The following EIF2AK3 variants were observed in gnomAD, a reference collection of about 807,000 sequenced individuals.
EIF2AK3 encodes the protein eukaryotic translation initiation factor 2-alpha kinase 3.
Under a neutral mutation model 113.5 loss-of-function variants are expected in EIF2AK3, and 50 were observed. The observed-to-expected ratio is 0.44, with a 90% CI of 0.35 to 0.56. The LOEUF is 0.56. Ranked by LOEUF, EIF2AK3 falls within the 20% of genes least tolerant of loss-of-function variation. The probability of loss-of-function intolerance (pLI) is 0.00; values close to 1 mark genes in which losing one functional copy is unlikely to be tolerated. For synonymous variants in EIF2AK3, 448 were observed against 495.4 expected (o/e 0.90, Z 1.27); for missense variants, 1,185 against 1,378.0 (o/e 0.86, Z 2.22).
intron 2 of EIF2AK3, among the ~76,000 whole-genome samples, chr2:88,597,113 C>T (rs949948667): frequency 6.6e-6 from 1 of 152,152 alleles, no homozygotes; most frequent in African/African-American, 2.4e-5. Flanking sequence ...GGGATACTTA[C>T]TTGAAAACTC....
intron 6 of EIF2AK3, among the ~76,000 whole-genome samples, chr2:88,590,223 G>C (rs947498187): frequency 1.3e-5 from 2 of 152,168 alleles, no homozygotes; most frequent in African/African-American, 4.8e-5. Flanking sequence ...CGACAAGAGT[G>C]AAACTCCATC....
In EIF2AK3 at chr2:88,574,910, G is replaced by A. The variant is rs2104410732; in HGVS notation, c.2573C>T (p.Pro858Leu). Reference sequence around the variant, plus strand: ...ATCTAAACTTAAAGTGGTTGGTCTTGGAGGAGAAATAGACAATGTAGCTTC... The same window carrying A: ...ATCTAAACTTAAAGTGGTTGGTCTTAGAGGAGAAATAGACAATGTAGCTTC... ...SSEATLSISP[P>L]RPTTLSLDLT... is the part of the protein sequence containing the mutation. Residue 858 changes from proline (P) to leucine (L), a missense_variant, in exon 13 of 17, where the codon CCA becomes CTA. Coordinates refer to ENST00000303236, the MANE Select transcript of EIF2AK3 (RefSeq NM_004836.7). 1 of 1,614,192 alleles carries A rather than the reference G, an allele frequency of 6.2e-7. No homozygotes were observed. The highest frequency in any genetic ancestry group is 1.6e-4 in the Middle Eastern group (1 of 6,062).
At position 88,556,996 on chromosome 2, in the gene EIF2AK3, A is replaced by G. The variant is rs1305302737; in HGVS notation, c.*740T>C. 1 of 152,276 alleles carries G rather than the reference A, an allele frequency of 6.6e-6. No individual in the cohort carries two copies. The highest frequency in any genetic ancestry group is 1.9e-4 in the East Asian group (1 of 5,198). The allele number at this position is 152,276 out of a possible 1,614,324, so 9.4% of individuals were successfully genotyped here. On this transcript the variant is annotated 3_prime_UTR_variant, in exon 17 of 17. Coordinates refer to ENST00000303236, the MANE Select transcript of EIF2AK3 (RefSeq NM_004836.7). Reference sequence around the variant, plus strand: ...AGACACTTAAGATTTCATTAGGCTTAAAAAGTCCATAGTTGAAGAAGTTAG... The same window carrying G: ...AGACACTTAAGATTTCATTAGGCTTGAAAAGTCCATAGTTGAAGAAGTTAG...
chr2:88,558,444 G>A (rs1178705797), intron 16 of EIF2AK3, among the ~76,000 whole-genome samples: 1 of 152,128 alleles, frequency 6.6e-6, no homozygotes, highest in Non-Finnish European at 1.5e-5. Context: ...AACGTAACAT[G>A]TACTCTTATG....
chr2:88,558,571 CA>C (rs916597904), intron 16 of EIF2AK3, among the ~76,000 whole-genome samples: 16 of 152,244 alleles, frequency 1.1e-4, no homozygotes, highest in African/African-American at 3.6e-4. Context: ...TTTTTTAATG[CA>C]ACCCTTCATT....
At chr2:88,606,157 T>C (rs1421958311) in intron 2 of EIF2AK3, among the ~76,000 whole-genome samples, 1 of 152,148 alleles carries the variant, frequency 6.6e-6, no homozygotes, top group Non-Finnish European at 1.5e-5. Context: ...ACAAAATGCC[T>C]CAAGGGAAAC....
chr2:88,615,108 A>G (rs898848708), intron 1 of EIF2AK3, among the ~76,000 whole-genome samples: 3 of 152,168 alleles, frequency 2.0e-5, no homozygotes, highest in Non-Finnish European at 4.4e-5. Flanking sequence ...AACAGGAGAA[A>G]TCAGCTTGTT....
intron 9 of EIF2AK3, 96 bp from the exon 10 acceptor site, chr2:88,583,638 A>G (rs1051345851): frequency 8.3e-6 from 7 of 842,898 alleles, no homozygotes; most frequent in East Asian, 2.4e-5. Context: ...TGAAAAATAC[A>G]TAAGTAGCAT....
At chr2:88,621,178 T>C (rs1675712819) in intron 1 of EIF2AK3, among the ~76,000 whole-genome samples, 1 of 152,226 alleles carries the variant, frequency 6.6e-6, no homozygotes, top group East Asian at 1.9e-4. Context: ...CATCCTGTAA[T>C]TGCTCTGATT....
intron 11 of EIF2AK3, 105 bp downstream of exon 11, chr2:88,579,413 A>T (rs1674541975): frequency 6.8e-7 from 1 of 1,473,400 alleles, no homozygotes; most frequent in Non-Finnish European, 9.4e-7. Flanking sequence ...AACGTCTGAA[A>T]CTGTTTTCTA....
rs756905625 is a variant in EIF2AK3, at chr2:88,570,974, A to G, written c.2885T>C (p.Met962Thr). The change falls in exon 14 of 17, where the codon ATG becomes ACG. Residue 962 changes from methionine to threonine, a missense_variant. Physicochemically the swap from Met to Thr is moderately conservative, Grantham distance 81. Coordinates refer to ENST00000303236, the MANE Select transcript of EIF2AK3 (RefSeq NM_004836.7). ...KVGDFGLVTA[M>T]DQDEEEQTVL... ...CGTCTGCTCTTCCTCATCCTGGTCC[A>G]TTGCAGTCACTAACCCAAAGTCTCC... The G allele has an allele frequency of 8.1e-6, 13 of 1,614,054 alleles. No homozygotes were observed. The highest frequency in any genetic ancestry group is 1.7e-5 in the Admixed American group (1 of 60,000).
At chr2:88,608,700 CTTTTTTTTTTTTT>C (rs1176748814) in intron 2 of EIF2AK3, among the ~76,000 whole-genome samples, 31 of 62,020 alleles carry the variant, frequency 5.0e-4, no homozygotes, top group African/African-American at 1.9e-3. Flanking sequence ...TTTTTGATTT[CTTTTTTTTTTTTT>C]TTTTTTTTTT....
rs1675871983 is a variant in EIF2AK3 at position 88,626,815 on chromosome 2, C to T, written c.308+152G>A. 6.4e-6 allele frequency: 7 copies of T among 1,098,642 alleles called. No homozygotes were observed. In the East Asian group the frequency reaches 8.9e-5, roughly 14 times the overall value. 68.1% of individuals were successfully genotyped at this position (1,098,642 alleles called of 1,614,324 possible). ...CGCTGGCCGGGGGATGGGAGGGCGT[C>T]GTGGCCCCGCGCTCGTCCCCAGGTC... On this transcript the variant is annotated intron_variant, in intron 1 of 16. Transcript: ENST00000303236.
At chr2:88,603,692 A>C (rs879293923) in intron 2 of EIF2AK3, among the ~76,000 whole-genome samples, 1 of 152,138 alleles carries the variant, frequency 6.6e-6, no homozygotes, top group African/African-American at 2.4e-5. Context: ...CTCAATTTTA[A>C]AATGTTGGAC....
chr2:88,627,225 AG>A lies in EIF2AK3; in HGVS notation c.49del (p.Leu17CysfsTer54). On this transcript the variant is annotated frameshift_variant, in exon 1 of 17. Coordinates refer to ENST00000303236, the MANE Select transcript of EIF2AK3 (RefSeq NM_004836.7). LOFTEE classifies it high-confidence loss of function. ...PGLLVRALLL[L>X]LLLLGLAART... Reference sequence around the variant, plus strand: ...TGCCGCGAGCCCCAGCAGCAGCAGCAGCAGCAGCAGCGCCCGTACCAGCAGC... The same window carrying A: ...TGCCGCGAGCCCCAGCAGCAGCAGCACAGCAGCAGCGCCCGTACCAGCAGC... The A allele has an allele frequency of 6.8e-7, 1 of 1,476,144 alleles. No homozygotes were observed. The highest frequency in any genetic ancestry group is 2.3e-5 in the Admixed American group (1 of 43,204). The allele number at this position is 1,476,144 out of a possible 1,614,324, so 91.4% of individuals were successfully genotyped here.
intron 2 of EIF2AK3, among the ~76,000 whole-genome samples, chr2:88,611,265 G>C (rs1179800559): frequency 6.6e-6 from 1 of 152,274 alleles, no homozygotes; most frequent in East Asian, 1.9e-4. Flanking sequence ...AAATTTATTT[G>C]AGCTGCAATT....
chr2:88,621,190 T>C (rs1675712948), intron 1 of EIF2AK3, among the ~76,000 whole-genome samples: 1 of 152,250 alleles, frequency 6.6e-6, no homozygotes, highest in Admixed American at 6.5e-5. Flanking sequence ...GCTCTGATTA[T>C]GTCCTCAATC....
intron 10 of EIF2AK3, among the ~76,000 whole-genome samples, chr2:88,580,492 T>G (rs1267185938): frequency 6.6e-6 from 1 of 152,218 alleles, no homozygotes. Flanking sequence ...AAACTTAATC[T>G]TAATTTTTTG....
rs1245216593 is a variant in EIF2AK3 at position 88,576,561 on chromosome 2, C to G, written c.2029G>C (p.Asp677His). The change falls in exon 12 of 17, where the codon GAT becomes CAT. Residue 677 changes from aspartate (D) to histidine (H), a missense_variant. Transcript: ENST00000303236. ...QEKMDEIWLK[D>H]ESTDWPLSSP... ...TGTAACAAAGTTAGTTACCTTTCAT[C>G]TTTCAGCCAAATTTCATCCATCTTT... 1.2e-6 allele frequency: 2 copies of G among 1,614,094 alleles called. No homozygotes were observed. The highest frequency in any genetic ancestry group is 2.2e-5 in the South Asian group (2 of 91,082).
Sources: allele counts gnomAD v4.1 joint callset (sites outside exome capture counted in the v4.1 genomes callset), GRCh38; gene constraint gnomAD v4.1.1; transcripts MANE v1.5; gene names NCBI Gene and HGNC (gene_info 2026-07-23, HGNC 2026-07-21).